The following PCDHGA4 variants were observed in gnomAD, a reference collection of about 807,000 sequenced individuals.
PCDHGA4 encodes the protein protocadherin gamma subfamily A, 4.
Under a neutral mutation model 54.6 loss-of-function variants are expected in PCDHGA4, and 38 were observed. The ratio of observed to expected loss-of-function variants is 0.70; its 90% CI spans 0.54 to 0.91. The LOEUF (loss-of-function observed/expected upper bound fraction) is 0.91, where lower values mean the gene tolerates loss of function less well. Ranked by LOEUF, PCDHGA4 falls within the 40% of genes least tolerant of loss-of-function variation. The pLI, the probability that PCDHGA4 is intolerant of heterozygous loss-of-function variation, is 0.00. For synonymous variants in PCDHGA4, 511 were observed against 512.9 expected, an observed-to-expected ratio of 1.00 and a Z score of 0.05; for missense variants, 1,298 against 1,220.9, an observed-to-expected ratio of 1.06 and a Z score of -0.94.
chr5:141,407,959 G>T, intron 1 of PCDHGA4: 1 of 668,062 alleles, frequency 1.5e-6, no homozygotes, highest in South Asian at 2.3e-5. Flanking sequence ...CCAGTGCAGA[G>T]CAAGCGCTGA....
At chr5:141,408,524 G>A (rs1589673864) in intron 1 of PCDHGA4, 3 of 1,614,080 alleles carry the variant, frequency 1.9e-6, no homozygotes, top group Non-Finnish European at 1.7e-6. Context: ...GCAATTGGAA[G>A]CTGTGGTGGA....
At chr5:141,374,498 G>A in intron 1 of PCDHGA4, 8 of 1,611,504 alleles carry the variant, frequency 5.0e-6, no homozygotes, top group South Asian at 1.1e-5. Context: ...GGAAGAATTG[G>A]AAGTGAAAAT....
At chr5:141,419,151 C>A in intron 1 of PCDHGA4, 1 of 1,613,918 alleles carries the variant, frequency 6.2e-7, no homozygotes. Context: ...GGCAAGCCTC[C>A]GTTATCCTCC....
intron 1 of PCDHGA4, chr5:141,393,027 A>C (rs868285753): frequency 1.2e-6 from 2 of 1,613,818 alleles, no homozygotes; most frequent in Non-Finnish European, 1.7e-6. Flanking sequence ...CAGAGGTAGG[A>C]CGCAGCTCTT....
intron 1 of PCDHGA4, chr5:141,427,320 G>GT: frequency 2.2e-6 from 1 of 457,086 alleles, no homozygotes; most frequent in Non-Finnish European, 4.4e-6. Context: ...CCCAGACGTG[G>GT]TTTTTACTTC....
intron 1 of PCDHGA4, chr5:141,422,174 A>G (rs763681065): frequency 5.1e-6 from 8 of 1,564,176 alleles, no homozygotes; most frequent in African/African-American, 2.8e-5. Flanking sequence ...TATAGATTCT[A>G]TGAGATGGAA....
intron 1 of PCDHGA4, 148 bp from the exon 2 acceptor site, chr5:141,494,659 T>C (rs749872848): frequency 2.3e-4 from 343 of 1,488,556 alleles, no homozygotes; most frequent in Non-Finnish European, 2.9e-4. Flanking sequence ...ATTTTGTCTT[T>C]GGAGATGAGT....
At chr5:141,429,613 G>A (rs1374650357) in intron 1 of PCDHGA4, among the ~76,000 whole-genome samples, 2 of 152,084 alleles carry the variant, frequency 1.3e-5, no homozygotes, top group African/African-American at 2.4e-5. Flanking sequence ...TCAATTTTAT[G>A]TCTGATATTT....
chr5:141,374,410 T>G, intron 1 of PCDHGA4: 1 of 1,614,012 alleles, frequency 6.2e-7, no homozygotes. Context: ...TTAACATCCT[T>G]GTCGAGGATA....
rs201021035 is a variant in PCDHGA4 at position 141,398,584 on chromosome 5, A to G, written c.2514+40963A>G. 8.7e-5 allele frequency: 141 copies of G among 1,614,066 alleles called. 1 individual carries two copies. In the African/African-American group the frequency reaches 1.0e-3, roughly 12 times the overall value. ...GTCTGCACAGCCTGGCACAAGATTT[A>G]TACTAGAAGTAGCAGAAGATGCAGA... On this transcript the variant is annotated intron_variant, in intron 1 of 3. Transcript: ENST00000571252.
At chr5:141,484,789 A>T (rs1215899787) in intron 1 of PCDHGA4, among the ~76,000 whole-genome samples, 1 of 152,132 alleles carries the variant, frequency 6.6e-6, no homozygotes, top group Non-Finnish European at 1.5e-5. Flanking sequence ...CCACAGAGAT[A>T]ACAACCCGTG....
intron 1 of PCDHGA4, chr5:141,420,315 A>G (rs755723069): frequency 6.2e-6 from 9 of 1,440,144 alleles, no homozygotes; most frequent in Non-Finnish European, 8.4e-6. Context: ...TTATATTACA[A>G]TATGCCAATA....
intron 2 of PCDHGA4, among the ~76,000 whole-genome samples, chr5:141,498,962 A>G (rs1257746192): frequency 8.0e-6 from 1 of 124,866 alleles, no homozygotes; most frequent in Non-Finnish European, 1.7e-5. Context: ...AGAGAGAGGG[A>G]GGGAGGGAGG....
chr5:141,457,676 A>G (rs1380484149), intron 1 of PCDHGA4, among the ~76,000 whole-genome samples: 2 of 152,240 alleles, frequency 1.3e-5, no homozygotes, highest in East Asian at 3.8e-4. Flanking sequence ...TTATTTCTAC[A>G]TAGGACTTTT....
intron 1 of PCDHGA4, chr5:141,392,681 G>A (rs892273174): frequency 9.7e-7 from 1 of 1,026,496 alleles, no homozygotes; most frequent in Non-Finnish European, 1.4e-6. Context: ...CTGGACTGCA[G>A]CGAAACCCGA....
At position 141,398,516 on chromosome 5, in the gene PCDHGA4, C is replaced by G. The variant is rs779535322; in HGVS notation, c.2514+40895C>G. On this transcript the variant is annotated intron_variant, in intron 1 of 3. Coordinates refer to ENST00000571252, the MANE Select transcript of PCDHGA4 (RefSeq NM_018917.4). ...GAGATCGAGGACATTAATGACCACA[C>G]GCCAAAATTCACGCAAAATTCCTTT... is the stretch of plus-strand genomic sequence containing the variant. The G allele has an allele frequency of 4.4e-5, 70 of 1,598,584 alleles. No individual in the cohort carries two copies. The highest frequency in any genetic ancestry group is 4.3e-4 in the Admixed American group (25 of 58,660).
chr5:141,358,696 T>C (rs1009340970), intron 1 of PCDHGA4, among the ~76,000 whole-genome samples: 8 of 152,236 alleles, frequency 5.3e-5, no homozygotes, highest in African/African-American at 1.9e-4. Context: ...GACATCACTA[T>C]TGAGACTTTC....
intron 1 of PCDHGA4, chr5:141,366,716 A>G (rs746454845): frequency 1.4e-5 from 23 of 1,614,062 alleles, no homozygotes; most frequent in Non-Finnish European, 1.9e-5. Flanking sequence ...GATGTCTGAT[A>G]AGGTAGATGC....
At chr5:141,494,708 C>T (rs1481947557) in intron 1 of PCDHGA4, 99 bp from the exon 2 acceptor site, 2 of 1,599,566 alleles carry the variant, frequency 1.3e-6, no homozygotes, top group Non-Finnish European at 1.7e-6. Flanking sequence ...CTTCTCTGTG[C>T]CCACTCCCCT....
Sources: gnomAD v4.1 joint callset for allele counts (sites outside exome capture counted in the v4.1 genomes callset) on GRCh38, gnomAD v4.1.1 for gene constraint, MANE v1.5 for transcripts, NCBI Gene and HGNC (gene_info 2026-07-23, HGNC 2026-07-21) for gene names.